Variants in REPS1 observed in about 807,000 individuals in gnomAD.
REPS1 encodes RALBP1 associated Eps domain containing 1.
REPS1 carries 39 observed loss-of-function variants against 100.9 expected under a neutral mutation model. That is an observed-to-expected ratio of 0.39 (90% CI 0.30 to 0.50). The LOEUF is 0.50. Ranked by LOEUF, REPS1 falls within the 20% of genes least tolerant of loss-of-function variation. REPS1 has a pLI of 0.86. For synonymous variants in REPS1, 324 were observed against 340.3 expected, an observed-to-expected ratio of 0.95 and a Z score of 0.53; for missense variants, 821 against 968.5, an observed-to-expected ratio of 0.85 and a Z score of 2.02.
At chr6:138,947,287 C>A (rs550388517) in intron 2 of REPS1, among the ~76,000 whole-genome samples, 1 of 152,022 alleles carries the variant, frequency 6.6e-6, no homozygotes, top group African/African-American at 2.4e-5. Flanking sequence ...TTTTAGTCTG[C>A]CAATATTTTA....
intron 1 of REPS1, among the ~76,000 whole-genome samples, chr6:138,979,421 T>C (rs1784807119): frequency 6.6e-6 from 1 of 152,114 alleles, no homozygotes; most frequent in African/African-American, 2.4e-5. Flanking sequence ...TCTATTCCCT[T>C]TCATAGGTAA....
At chr6:138,987,383 C>T (rs888311824) in intron 1 of REPS1, 147 bp downstream of exon 1, 7 of 848,708 alleles carry the variant, frequency 8.2e-6, no homozygotes, top group Non-Finnish European at 1.0e-5. Context: ...TCCAGGCCTC[C>T]CGGGCACCTG....
chr6:138,936,043 C>T (rs1238439445), intron 8 of REPS1, among the ~76,000 whole-genome samples: 1 of 152,062 alleles, frequency 6.6e-6, no homozygotes, highest in Non-Finnish European at 1.5e-5. Context: ...CCATGGAGTT[C>T]TCTAACAGAG....
intron 15 of REPS1, among the ~76,000 whole-genome samples, chr6:138,913,315 G>A (rs1252201668): frequency 1.3e-5 from 2 of 151,892 alleles, no homozygotes; most frequent in African/African-American, 4.8e-5. Context: ...CCTTAAATAA[G>A]TTATTTTTTT....
chr6:138,906,392 T>C (rs1311785553), intron 19 of REPS1, among the ~76,000 whole-genome samples: 1 of 152,224 alleles, frequency 6.6e-6, no homozygotes, highest in Non-Finnish European at 1.5e-5. Context: ...CGGTCATAAG[T>C]TTATCTAGGA....
At chr6:138,937,099 C>T (rs923117341) in intron 8 of REPS1, among the ~76,000 whole-genome samples, 1 of 148,018 alleles carries the variant, frequency 6.8e-6, no homozygotes, top group Non-Finnish European at 1.5e-5. Context: ...AAAGAGAGAG[C>T]TTGTGCAGGG....
At position 138,911,315 on chromosome 6, in the gene REPS1, T is replaced by TAG. The variant is rs780118772; in HGVS notation, c.2027_2028insCT (p.Lys676AsnfsTer2). The TAG allele has an allele frequency of 6.2e-7, 1 of 1,613,790 alleles. No individual in the cohort carries two copies. Among genetic ancestry groups the TAG allele is most frequent in the East Asian group, 2.2e-5 (1 of 44,832 alleles). The stretch of plus-strand genomic sequence containing the variant: ...CACTAGCAGCTGTCTTTTCTTCAGT[T>TAG]TTACTATCTGTTTTGGCAACTCGAA... On this transcript the variant is annotated frameshift_variant, in exon 17 of 20. Transcript: ENST00000450536.
chr6:138,921,071 G>A lies in REPS1; in HGVS notation c.1392C>T (p.His464=), dbSNP rs769324064. Residue 464 remains histidine, a synonymous_variant, in exon 11 of 20, where the codon CAC becomes CAT. Coordinates refer to ENST00000450536, the MANE Select transcript of REPS1 (RefSeq NM_001286611.2). ...VPIRMTPSKI[H]MQEMELKRTG... ...TTCTTTTAAGTTCCATTTCCTGCAT[G>A]TGGATTTTGCTTGGAGTCATACGAA... The A allele has an allele frequency of 5.3e-5, 86 of 1,612,868 alleles. No individual in the cohort carries two copies. The Admixed American group carries it at 9.2e-4, about 17-fold the overall frequency.
In REPS1 at chr6:138,917,562, G is replaced by A. The variant is rs1423707040; in HGVS notation, c.1594C>T (p.Arg532Cys). Reference sequence around the variant, plus strand: ...ATTGACAGAAATACTGACCTTTGACGAGTTACATTGCTCCCGATCTGTTCT... The same window carrying A: ...ATTGACAGAAATACTGACCTTTGACAAGTTACATTGCTCCCGATCTGTTCT... ...DPEQIGSNVTRQRSHSGTSPD... is the reference protein window; with the variant it reads ...DPEQIGSNVTCQRSHSGTSPD... Residue 532 changes from arginine (R) to cysteine (C), a missense_variant, in exon 13 of 20, where the codon CGT (arginine) becomes TGT (cysteine). Physicochemically the swap from Arg to Cys is radical, Grantham distance 180. Coordinates refer to ENST00000450536, the MANE Select transcript of REPS1 (RefSeq NM_001286611.2). 1.2e-6 allele frequency: 2 copies of A among 1,611,872 alleles called. No homozygotes were observed. Among genetic ancestry groups the A allele is most frequent in the Admixed American group, 1.7e-5 (1 of 60,016 alleles).
chr6:138,925,218 T>G (rs1781026580), intron 10 of REPS1, among the ~76,000 whole-genome samples: 1 of 140,740 alleles, frequency 7.1e-6, no homozygotes, highest in South Asian at 2.3e-4. Context: ...CACACACAAA[T>G]TAGCCAGGCA....
intron 1 of REPS1, among the ~76,000 whole-genome samples, chr6:138,966,926 C>A (rs527296112): frequency 1.3e-5 from 2 of 152,346 alleles, no homozygotes; most frequent in African/African-American, 4.8e-5. Flanking sequence ...TGAAGATACG[C>A]TTTAAACCAC....
chr6:138,926,693 A>G (rs1781148982), intron 9 of REPS1: 1 of 513,188 alleles, frequency 1.9e-6, no homozygotes, highest in Non-Finnish European at 3.5e-6. Context: ...TCAAAAGTAT[A>G]GTAATGATTT....
At chr6:138,906,172 G>A (rs1779637765) in intron 19 of REPS1, among the ~76,000 whole-genome samples, 1 of 152,098 alleles carries the variant, frequency 6.6e-6, no homozygotes, top group African/African-American at 2.4e-5. Context: ...CTGTACGATG[G>A]ACTAAATTAA....
chr6:138,927,451 G>A (rs1018492783), intron 9 of REPS1: 20 of 150,934 alleles, frequency 1.3e-4, no homozygotes, highest in African/African-American at 4.9e-4. Flanking sequence ...AGAATTATCA[G>A]TTATCCTCTA....
At chr6:138,907,446 T>TCACA in intron 19 of REPS1, 49 bp downstream of exon 19, 1 of 1,314,750 alleles carries the variant, frequency 7.6e-7, no homozygotes, top group South Asian at 1.2e-5. Context: ...TCTCTTTAGG[T>TCACA]TTCTTTACTA....
chr6:138,984,322 A>C (rs1448502572), intron 1 of REPS1, among the ~76,000 whole-genome samples: 2 of 152,028 alleles, frequency 1.3e-5, no homozygotes, highest in Admixed American at 1.3e-4. Flanking sequence ...ACCTCAGGTG[A>C]TCCACCTGCC....
chr6:138,940,622 G>A (rs1318306888), intron 8 of REPS1, among the ~76,000 whole-genome samples: 1 of 151,910 alleles, frequency 6.6e-6, no homozygotes, highest in Non-Finnish European at 1.5e-5. Context: ...GTGCGTGCCT[G>A]TAGTCCCATC....
chr6:138,984,723 T>C (rs73774930), intron 1 of REPS1, among the ~76,000 whole-genome samples: 46 of 152,326 alleles, frequency 3.0e-4, no homozygotes, highest in African/African-American at 1.1e-3. Context: ...CTCTAATTCC[T>C]GTGGCCCTGA....
chr6:138,943,417 G>T, intron 7 of REPS1, 96 bp downstream of exon 7: 1 of 658,338 alleles, frequency 1.5e-6, no homozygotes. Flanking sequence ...CATTCTTGAA[G>T]GGGTTAGTTG....
Sources: allele counts gnomAD v4.1 joint callset (sites outside exome capture counted in the v4.1 genomes callset), GRCh38; gene constraint gnomAD v4.1.1; transcripts MANE v1.5; gene names NCBI Gene and HGNC (gene_info 2026-07-23, HGNC 2026-07-21).